Variants in MAP2K1 observed in about 807,000 individuals in gnomAD.
MAP2K1 encodes mitogen-activated protein kinase kinase 1.
Under a neutral mutation model 46.3 loss-of-function variants are expected in MAP2K1, and 16 were observed. The ratio of observed to expected loss-of-function variants is 0.35; its 90% CI spans 0.23 to 0.52. The LOEUF (loss-of-function observed/expected upper bound fraction) is 0.52. Ranked by LOEUF, MAP2K1 falls within the 20% of genes least tolerant of loss-of-function variation. The pLI, the probability that MAP2K1 is intolerant of heterozygous loss-of-function variation, is 0.94. For synonymous variants in MAP2K1, 183 were observed against 185.6 expected, an observed-to-expected ratio of 0.99 and a Z score of 0.11; for missense variants, 263 against 497.1, an observed-to-expected ratio of 0.53 and a Z score of 4.48.
intron 1 of MAP2K1, 46 bp from the exon 2 acceptor site, chr15:66,434,981 A>T (rs2140578104): frequency 8.1e-7 from 1 of 1,235,988 alleles, no homozygotes; most frequent in Non-Finnish European, 1.2e-6. Flanking sequence ...CTTTGGGTTG[A>T]CTTCTCTGGT....
chr15:66,487,190 T>C (rs1380425561), intron 7 of MAP2K1, 38 bp from the exon 8 acceptor site: 3 of 1,576,576 alleles, frequency 1.9e-6, no homozygotes, highest in South Asian at 2.2e-5. Context: ...AAGTAATCTG[T>C]TTCTGAGAAG....
In MAP2K1 at chr15:66,444,640, A is replaced by G; in HGVS notation, c.517-16A>G. 6.3e-7 allele frequency: 1 copy of G among 1,581,434 alleles called. No homozygotes were observed. Among genetic ancestry groups the G allele is most frequent in the South Asian group, 1.1e-5 (1 of 90,362 alleles). ...TCACCAGTATTTTCTTTTCTTTTACATTCCCTTTCCTCTAGGTAATAAAAG... is the reference window on the plus strand; with the variant it reads ...TCACCAGTATTTTCTTTTCTTTTACGTTCCCTTTCCTCTAGGTAATAAAAG... On this transcript the variant is annotated splice_polypyrimidine_tract_variant and intron_variant, in intron 4 of 10. Coordinates refer to ENST00000307102, the MANE Select transcript of MAP2K1 (RefSeq NM_002755.4).
intron 1 of MAP2K1, among the ~76,000 whole-genome samples, chr15:66,405,016 C>A (rs1001532772): frequency 6.6e-6 from 1 of 152,132 alleles, no homozygotes; most frequent in Non-Finnish European, 1.5e-5. Context: ...TAGAGGACAT[C>A]GCAACTGGAA....
rs1408394465 is a variant in MAP2K1, at chr15:66,489,744, C to G, written c.1049C>G (p.Ala350Gly). The change falls in exon 10 of 11, where the codon GCA becomes GGA. Residue 350 changes from alanine (A) to glycine (G), a missense_variant. Around this residue, in one of 4 missense-constraint regions of MAP2K1, gnomAD observed 118 missense variants for 193.0 expected, o/e 0.61. Transcript: ENST00000307102. The part of the protein sequence containing the change: ...KCLIKNPAER[A>G]DLKQLMVHAF... ...TTAATAAAAAACCCCGCAGAGAGAGCAGATTTGAAGCAACTCATGGTGAGT... is the reference window on the plus strand; with the variant it reads ...TTAATAAAAAACCCCGCAGAGAGAGGAGATTTGAAGCAACTCATGGTGAGT... 6.2e-7 allele frequency: 1 copy of G among 1,613,776 alleles called. No individual in the cohort carries two copies. The highest frequency in any genetic ancestry group is 1.7e-5 in the Admixed American group (1 of 60,014).
chr15:66,416,113 T>G (rs961860549), intron 1 of MAP2K1, among the ~76,000 whole-genome samples: 8 of 152,204 alleles, frequency 5.3e-5, no homozygotes, highest in African/African-American at 1.9e-4. Flanking sequence ...TCTCAGGATA[T>G]TCTCAGGATT....
In MAP2K1 at chr15:66,435,123, G is replaced by A. The variant is rs773928828; in HGVS notation, c.177G>A (p.Lys59=). ...RLEAFLTQKQ[K]VGELKDDDFE... The stretch of plus-strand genomic sequence containing the variant: ...AGGCCTTTCTTACCCAGAAGCAGAA[G>A]GTGGGAGAACTGAAGGATGACGACT... The change falls in exon 2 of 11, where the codon AAG becomes AAA. Residue 59 remains lysine, a synonymous_variant. Coordinates refer to ENST00000307102, the MANE Select transcript of MAP2K1 (RefSeq NM_002755.4). 3.1e-6 allele frequency: 5 copies of A among 1,613,998 alleles called. No individual in the cohort carries two copies. The Admixed American group carries it at 5.0e-5, about 16-fold the overall frequency.
chr15:66,400,605 C>T (rs1051522747), intron 1 of MAP2K1, among the ~76,000 whole-genome samples: 5 of 152,170 alleles, frequency 3.3e-5, no homozygotes, highest in Non-Finnish European at 5.9e-5. Context: ...GTTTTTACTT[C>T]ATGTCCTGTG....
Position 66,421,228 on chromosome 15 carries a change from C to T in MAP2K1, c.81-13799C>T, listed in dbSNP as rs116869624. Among the ~76,000 whole-genome samples the T allele has an allele frequency of 9.9e-3, 1,500 of 151,794 alleles. 55 individuals are homozygous for T. Among genetic ancestry groups the T allele is most frequent in the Admixed American group, 0.062 (938 of 15,216 alleles). The stretch of plus-strand genomic sequence containing the variant: ...TTGGCTCACTGCAACCTTGACCTCC[C>T]GGGTTCAAGCGATCCTTCTGCCTTG... On this transcript the variant is annotated intron_variant, in intron 1 of 10. Coordinates refer to ENST00000307102, the MANE Select transcript of MAP2K1 (RefSeq NM_002755.4).
chr15:66,488,449 T>C (rs888120182), intron 8 of MAP2K1, among the ~76,000 whole-genome samples: 1 of 152,190 alleles, frequency 6.6e-6, no homozygotes. Context: ...AGTGACATCA[T>C]GGACATTATG....
intron 1 of MAP2K1, among the ~76,000 whole-genome samples, chr15:66,389,293 T>A (rs1298516522): frequency 6.6e-6 from 1 of 152,220 alleles, no homozygotes; most frequent in Non-Finnish European, 1.5e-5. Context: ...TTGACCACAG[T>A]GGATTCTGGC....
At position 66,465,433 on chromosome 15, in the gene MAP2K1, A is replaced by C. The variant is rs565784765; in HGVS notation, c.569-16322A>C. On this transcript the variant is annotated intron_variant, in intron 5 of 10. Coordinates refer to ENST00000307102, the MANE Select transcript of MAP2K1 (RefSeq NM_002755.4). Reference sequence around the variant, plus strand: ...GGTAATCAGGTTGGAACAGAACAGGACAGGGATTTTCACAGTGCTTTTCTA... The same window carrying C: ...GGTAATCAGGTTGGAACAGAACAGGCCAGGGATTTTCACAGTGCTTTTCTA... Among the ~76,000 whole-genome samples the C allele has an allele frequency of 1.4e-4, 21 of 152,294 alleles. 1 individual carries two copies. In the South Asian group the frequency reaches 4.4e-3, roughly 32 times the overall value.
chr15:66,479,097 CTT>C (rs768466279), intron 5 of MAP2K1, among the ~76,000 whole-genome samples: 13 of 143,872 alleles, frequency 9.0e-5, no homozygotes, highest in East Asian at 2.0e-4. Context: ...CCTTAGCCTT[CTT>C]TTTTTTTTTT....
intron 1 of MAP2K1, among the ~76,000 whole-genome samples, chr15:66,423,774 A>AT (rs2093449881): frequency 6.6e-6 from 1 of 151,320 alleles, no homozygotes; most frequent in Admixed American, 6.6e-5. Flanking sequence ...TGCCCGGCTA[A>AT]TTTTGTATTT....
chr15:66,435,516 C>G (rs1287146129), intron 2 of MAP2K1, among the ~76,000 whole-genome samples: 3 of 151,912 alleles, frequency 2.0e-5, no homozygotes, highest in Non-Finnish European at 2.9e-5. Flanking sequence ...TTAGTAGAGA[C>G]AGGGTTTCTC....
intron 5 of MAP2K1, among the ~76,000 whole-genome samples, chr15:66,454,352 G>T (rs767707821): frequency 1.3e-5 from 2 of 152,212 alleles, no homozygotes; most frequent in Admixed American, 6.5e-5. Flanking sequence ...GCTACTTGTT[G>T]TGTAACCTTG....
rs559220663 is a variant in MAP2K1, at chr15:66,453,855, G to A, written c.568+9148G>A. 3.9e-4 allele frequency among the ~76,000 whole-genome samples: 59 copies of A among 152,226 alleles called. 1 individual carries two copies. In the South Asian group the frequency reaches 0.011, roughly 29 times the overall value. On this transcript the variant is annotated intron_variant, in intron 5 of 10. Coordinates refer to ENST00000307102, the MANE Select transcript of MAP2K1 (RefSeq NM_002755.4). ...CTCTGGTGCCCAGGCTTGGAGTACA[G>A]TGGTGCAGTCATGGCTCACTATAGC...
intron 1 of MAP2K1, among the ~76,000 whole-genome samples, chr15:66,420,822 T>G: frequency 9.1e-6 from 1 of 109,638 alleles, no homozygotes; most frequent in Non-Finnish European, 2.0e-5. Context: ...TATGTGTATA[T>G]ATATATGTGT....
At chr15:66,483,706 C>G (rs1892967428) in intron 6 of MAP2K1, among the ~76,000 whole-genome samples, 1 of 151,794 alleles carries the variant, frequency 6.6e-6, no homozygotes, top group Non-Finnish European at 1.5e-5. Flanking sequence ...CCAATATCAA[C>G]CAATATTTGT....
chr15:66,479,177 A>G (rs1892855969), intron 5 of MAP2K1, among the ~76,000 whole-genome samples: 2 of 151,320 alleles, frequency 1.3e-5, no homozygotes, highest in South Asian at 2.1e-4. Context: ...GCTCACTGCA[A>G]CCTCTGCTTC....
Sources: allele counts gnomAD v4.1 joint callset (sites outside exome capture counted in the v4.1 genomes callset), GRCh38; gene constraint gnomAD v4.1.1; regional missense constraint gnomAD v4.1.1; transcripts MANE v1.5; gene names NCBI Gene and HGNC (gene_info 2026-07-23, HGNC 2026-07-21).